Variants in R3HDM1 observed in about 807,000 individuals in gnomAD.
R3HDM1 encodes the protein R3H domain containing 1, also known as R3H domain-containing protein 1.
In R3HDM1, 46 loss-of-function variants were observed where a neutral mutation model predicts 141.1. The ratio of observed to expected loss-of-function variants is 0.33; its 90% CI spans 0.26 to 0.42. R3HDM1 has a LOEUF of 0.42. Ranked by LOEUF, R3HDM1 falls within the 10% of genes least tolerant of loss-of-function variation. R3HDM1 has a pLI of 1.00. For synonymous variants in R3HDM1, 435 were observed against 472.9 expected, an observed-to-expected ratio of 0.92 and a Z score of 1.04; for missense variants, 1,184 against 1,368.3, an observed-to-expected ratio of 0.87 and a Z score of 2.12.
chr2:135,567,772 C>G (rs1703130665), intron 1 of R3HDM1, among the ~76,000 whole-genome samples: 1 of 152,074 alleles, frequency 6.6e-6, no homozygotes, highest in Non-Finnish European at 1.5e-5. Flanking sequence ...TAACGTCTCA[C>G]TCTGTTGCCC....
intron 1 of R3HDM1, chr2:135,568,772 C>T (rs1425108760): frequency 6.6e-6 from 1 of 152,098 alleles, no homozygotes; most frequent in African/African-American, 2.4e-5. Context: ...TATTGGTGAC[C>T]TCTCGGAAGA....
intron 11 of R3HDM1, 119 bp downstream of exon 11, chr2:135,636,302 G>T: frequency 7.1e-7 from 1 of 1,412,848 alleles, no homozygotes; most frequent in South Asian, 1.7e-5. Flanking sequence ...TTGCACATAA[G>T]GTCATCTTTT....
At chr2:135,603,900 G>A (rs1466964129) in intron 2 of R3HDM1, among the ~76,000 whole-genome samples, 1 of 152,152 alleles carries the variant, frequency 6.6e-6, no homozygotes, top group East Asian at 1.9e-4. Context: ...ACCCACCGCA[G>A]CCGGCCAAGT....
At chr2:135,635,743 C>A in intron 9 of R3HDM1, 147 bp from the exon 10 acceptor site, 1 of 938,270 alleles carries the variant, frequency 1.1e-6, no homozygotes, top group South Asian at 2.2e-5. Context: ...ATTGTGAGGA[C>A]TAAATGAGAC....
intron 1 of R3HDM1, among the ~76,000 whole-genome samples, chr2:135,536,980 C>G (rs761008904): frequency 6.7e-6 from 1 of 148,168 alleles, no homozygotes; most frequent in Non-Finnish European, 1.5e-5. Flanking sequence ...TCCTCACCGC[C>G]TGCACCATCT....
At chr2:135,707,921 G>T (rs996135431) in intron 21 of R3HDM1, among the ~76,000 whole-genome samples, 1 of 151,980 alleles carries the variant, frequency 6.6e-6, no homozygotes, top group Admixed American at 6.6e-5. Context: ...CTGAGTTACT[G>T]CCCCTAAAAA....
intron 14 of R3HDM1, 120 bp downstream of exon 14, chr2:135,639,242 C>A: frequency 1.1e-6 from 1 of 909,188 alleles, no homozygotes; most frequent in Non-Finnish European, 1.7e-6. Context: ...ATCAATAGTA[C>A]CTTGACCACC....
At chr2:135,635,787 G>T (rs1480636618) in intron 9 of R3HDM1, 103 bp from the exon 10 acceptor site, 3 of 1,403,730 alleles carry the variant, frequency 2.1e-6, no homozygotes, top group East Asian at 2.4e-5. Context: ...CTAAAAAGTG[G>T]TAACTTATTT....
At chr2:135,621,710 G>A (rs2061526762) in intron 6 of R3HDM1, 102 bp downstream of exon 6, 1 of 1,354,590 alleles carries the variant, frequency 7.4e-7, no homozygotes, top group East Asian at 2.6e-5. Flanking sequence ...TATGTAAAAT[G>A]ACACAGAACA....
At chr2:135,569,784 T>G (rs1703674287) in intron 1 of R3HDM1, among the ~76,000 whole-genome samples, 1 of 148,048 alleles carries the variant, frequency 6.8e-6, no homozygotes, top group Admixed American at 6.8e-5. Context: ...TGGAGTTCAG[T>G]GGCACAGTCT....
intron 20 of R3HDM1, among the ~76,000 whole-genome samples, chr2:135,677,330 C>G (rs903101984): frequency 6.6e-6 from 1 of 152,168 alleles, no homozygotes; most frequent in African/African-American, 2.4e-5. Flanking sequence ...CTTCTGACCC[C>G]TTCTCCTCCA....
At chr2:135,532,906 G>T (rs1330631858) in intron 1 of R3HDM1, among the ~76,000 whole-genome samples, 2 of 152,112 alleles carry the variant, frequency 1.3e-5, no homozygotes, top group Non-Finnish European at 2.9e-5. Flanking sequence ...TTAAATCATG[G>T]ATTCTATAGT....
intron 23 of R3HDM1, among the ~76,000 whole-genome samples, chr2:135,711,628 G>A (rs2075638844): frequency 7.1e-6 from 1 of 141,152 alleles, no homozygotes; most frequent in African/African-American, 2.7e-5. Flanking sequence ...CCACTGCGCT[G>A]CCCCCTAGCA....
At chr2:135,658,312 G>A (rs36095136) in intron 18 of R3HDM1, among the ~76,000 whole-genome samples, 11 of 152,018 alleles carry the variant, frequency 7.2e-5, no homozygotes, top group Non-Finnish European at 1.2e-4. Context: ...ACTACAAGGC[G>A]CGTGCCACCA....
chr2:135,699,075 T>TTAGATAGATAGATAGA (rs59211429), intron 21 of R3HDM1, among the ~76,000 whole-genome samples: 11,086 of 131,906 alleles, frequency 0.084, 703 homozygotes, highest in Middle Eastern at 0.18. Flanking sequence ...ATTAGATAGA[T>TTAGATAGATAGATAGA]TAGATAGATA....
intron 21 of R3HDM1, among the ~76,000 whole-genome samples, chr2:135,704,474 A>G (rs980828766): frequency 1.7e-4 from 17 of 97,978 alleles, no homozygotes; most frequent in African/African-American, 5.0e-4. Context: ...AAATGCATGC[A>G]TGCTTTTTTT....
intron 5 of R3HDM1, among the ~76,000 whole-genome samples, chr2:135,619,235 C>T (rs1199671604): frequency 3.9e-5 from 6 of 151,944 alleles, no homozygotes; most frequent in African/African-American, 1.2e-4. Flanking sequence ...ACAGAGGAAG[C>T]GTATACTTTT....
chr2:135,712,263 C>T lies in R3HDM1; in HGVS notation c.2736+2032C>T, dbSNP rs191444427. On this transcript the variant is annotated intron_variant, in intron 23 of 26. Transcript: ENST00000683871. ...AGTCACAGCTTACTGCAGCCTCAAC[C>T]TCCTGGGCTCATCATTTAGAGACAG... Among the ~76,000 whole-genome samples, 32 of 152,112 alleles carry T rather than the reference C, an allele frequency of 2.1e-4. 1 individual carries two copies. The highest frequency in any genetic ancestry group is 7.7e-4 in the African/African-American group (32 of 41,504).
At chr2:135,616,115 G>C in intron 3 of R3HDM1, 37 bp from the exon 4 acceptor site, 1 of 1,592,366 alleles carries the variant, frequency 6.3e-7, no homozygotes, top group South Asian at 1.1e-5. Context: ...TTCTGTTTCA[G>C]TATGAAATTT....
Sources: allele counts gnomAD v4.1 joint callset (sites outside exome capture counted in the v4.1 genomes callset), GRCh38; gene constraint gnomAD v4.1.1; transcripts MANE v1.5; gene names NCBI Gene and HGNC (gene_info 2026-07-23, HGNC 2026-07-21).